The following NXN variants were observed in gnomAD, a reference collection of about 807,000 sequenced individuals.
NXN encodes the protein nucleoredoxin 1.
NXN carries 16 observed loss-of-function variants against 48.6 expected under a neutral mutation model. That is an observed-to-expected ratio of 0.33 (90% confidence interval 0.22 to 0.50). The LOEUF (loss-of-function observed/expected upper bound fraction) is 0.50, where lower values mean the gene tolerates loss of function less well. NXN is among the 20% of genes least tolerant of loss of function. The pLI, the probability that NXN is intolerant of heterozygous loss-of-function variation, is 0.98. For synonymous variants in NXN, 281 were observed against 269.6 expected (o/e 1.04, Z -0.41); for missense variants, 492 against 605.5 (o/e 0.81, Z 1.97).
intron 1 of NXN, among the ~76,000 whole-genome samples, chr17:911,748 G>C (rs12952127): frequency 0.019 from 2,795 of 148,322 alleles, 63 homozygotes; most frequent in Middle Eastern, 0.08. Flanking sequence ...TTACAGGTGT[G>C]AGCCACAGGG....
chr17:865,292 G>T (rs1040709058), intron 1 of NXN, among the ~76,000 whole-genome samples: 2 of 151,970 alleles, frequency 1.3e-5, no homozygotes, highest in Non-Finnish European at 2.9e-5. Flanking sequence ...ACCCAGGCTG[G>T]AGTGCAATGG....
At chr17:970,174 G>T (rs529247170) in intron 1 of NXN, among the ~76,000 whole-genome samples, 2 of 152,246 alleles carry the variant, frequency 1.3e-5, no homozygotes, top group East Asian at 3.9e-4. Context: ...TTTCCATGAC[G>T]GGTCTCACTC....
At chr17:957,609 G>A (rs1326345712) in intron 1 of NXN, among the ~76,000 whole-genome samples, 1 of 150,088 alleles carries the variant, frequency 6.7e-6, no homozygotes, top group Non-Finnish European at 1.5e-5. Context: ...TCCAGCCTGG[G>A]CGACAGAGCA....
At chr17:893,648 A>AT (rs1287359077) in intron 1 of NXN, among the ~76,000 whole-genome samples, 2 of 74,286 alleles carry the variant, frequency 2.7e-5, no homozygotes, top group Admixed American at 1.4e-4. Context: ...AAGCATCTCA[A>AT]CCCCTGGAAG....
chr17:927,485 G>A lies in NXN; in HGVS notation c.360+51834C>T, dbSNP rs139586005. The stretch of plus-strand genomic sequence containing the variant: ...TCAGGCGTGGTGGTGCACACCTGTG[G>A]TCCCAGCTACTTAGGAGGTTGAGGC... On this transcript the variant is annotated intron_variant, in intron 1 of 7. Transcript: ENST00000336868. Among the ~76,000 whole-genome samples the A allele has an allele frequency of 6.1e-3, 912 of 148,376 alleles. 14 individuals carry two copies. The highest frequency in any genetic ancestry group is 0.022 in the African/African-American group (890 of 40,086).
chr17:808,676 G>GTTTTT (rs5818768), intron 5 of NXN, among the ~76,000 whole-genome samples: 4,264 of 128,878 alleles, frequency 0.033, 284 homozygotes, highest in East Asian at 0.12. Context: ...TTATAAACCA[G>GTTTTT]TTTTTTTTTT....
At chr17:953,148 G>T (rs908236360) in intron 1 of NXN, among the ~76,000 whole-genome samples, 1 of 151,282 alleles carries the variant, frequency 6.6e-6, no homozygotes, top group African/African-American at 2.4e-5. Flanking sequence ...GCTCCCTGAA[G>T]TCCAAACGGA....
intron 1 of NXN, among the ~76,000 whole-genome samples, chr17:884,361 C>A (rs1364113557): frequency 2.0e-5 from 3 of 152,094 alleles, no homozygotes; most frequent in African/African-American, 7.2e-5. Context: ...GCTATGACTG[C>A]ACCACTGCAC....
At chr17:833,244 C>T (rs1044681874) in intron 1 of NXN, among the ~76,000 whole-genome samples, 7 of 152,130 alleles carry the variant, frequency 4.6e-5, no homozygotes, top group African/African-American at 1.4e-4. Flanking sequence ...TATCCAGGAA[C>T]CCATGTCATT....
intron 1 of NXN, among the ~76,000 whole-genome samples, chr17:876,513 A>G (rs1191267822): frequency 1.3e-5 from 2 of 152,146 alleles, no homozygotes; most frequent in Non-Finnish European, 2.9e-5. Context: ...TGTTTCATGT[A>G]CGTCTCCCCA....
intron 1 of NXN, among the ~76,000 whole-genome samples, chr17:892,590 T>A (rs2068434675): frequency 6.8e-6 from 1 of 146,884 alleles, no homozygotes; most frequent in Non-Finnish European, 1.5e-5. Context: ...GCATAGCAGG[T>A]CTCGCAGTCT....
At chr17:875,824 T>C (rs2068208336) in intron 1 of NXN, among the ~76,000 whole-genome samples, 1 of 151,768 alleles carries the variant, frequency 6.6e-6, no homozygotes, top group Non-Finnish European at 1.5e-5. Flanking sequence ...CTCAAGCTCC[T>C]GGCTTCAAGC....
At chr17:843,006 GAGAAAGAAAGAAAGAA>G (rs781376999) in intron 1 of NXN, among the ~76,000 whole-genome samples, 5,279 of 95,654 alleles carry the variant, frequency 0.055, 162 homozygotes, top group Non-Finnish European at 0.078. Context: ...GAGAGAAAGA[GAGAAAGAAAGAAAGAA>G]AGAAAGAAAG....
At position 800,931 on chromosome 17, in the gene NXN, C is replaced by T. The variant is rs1229933236; in HGVS notation, c.*18G>A. 1.4e-6 allele frequency: 2 copies of T among 1,417,196 alleles called. No individual in the cohort carries two copies. Among genetic ancestry groups the T allele is most frequent in the East Asian group, 5.4e-5 (2 of 36,780 alleles). The allele number at this position is 1,417,196 out of a possible 1,614,324, so 87.8% of individuals were successfully genotyped here. On this transcript the variant is annotated 3_prime_UTR_variant, in exon 8 of 8. Transcript: ENST00000336868. ...GAAGGCTGAGTTTTAAATAACGTCT[C>T]AGGAGGCCGGAGCCACGCTAGATGG...
chr17:870,984 G>A (rs993117166), intron 1 of NXN, among the ~76,000 whole-genome samples: 3 of 151,824 alleles, frequency 2.0e-5, no homozygotes, highest in Admixed American at 6.6e-5. Flanking sequence ...TCAGCCTCCC[G>A]AGTAGCTCGG....
chr17:810,150 ACT>A (rs1911876128), intron 5 of NXN, among the ~76,000 whole-genome samples: 1 of 86,086 alleles, frequency 1.2e-5, no homozygotes. Context: ...CGAGTCTGTG[ACT>A]GGCGTGCACG....
At chr17:950,287 T>C (rs1003644738) in intron 1 of NXN, among the ~76,000 whole-genome samples, 2 of 152,150 alleles carry the variant, frequency 1.3e-5, no homozygotes, top group African/African-American at 4.8e-5. Flanking sequence ...AATCTTTTTA[T>C]ACAAGAAAGG....
At chr17:820,111 G>A (rs1912740754) in intron 4 of NXN, among the ~76,000 whole-genome samples, 1 of 152,136 alleles carries the variant, frequency 6.6e-6, no homozygotes, top group Admixed American at 6.5e-5. Context: ...ACGGAGTGAT[G>A]AAAATGTTCC....
chr17:936,669 T>C (rs1022490286), intron 1 of NXN, among the ~76,000 whole-genome samples: 5 of 150,746 alleles, frequency 3.3e-5, no homozygotes, highest in African/African-American at 9.8e-5. Context: ...GGTGCTACGA[T>C]GTCTGGCTAA....
Sources: allele counts gnomAD v4.1 joint callset (sites outside exome capture counted in the v4.1 genomes callset), GRCh38; gene constraint gnomAD v4.1.1; transcripts MANE v1.5; gene names NCBI Gene and HGNC (gene_info 2026-07-23, HGNC 2026-07-21).